FER: variants seen among roughly 807,000 people sequenced by gnomAD.
FER encodes the protein FER tyrosine kinase.
Under a neutral mutation model 111.0 loss-of-function variants are expected in FER, and 63 were observed. That is an observed-to-expected ratio of 0.57 (90% CI 0.46 to 0.70). The LOEUF (loss-of-function observed/expected upper bound fraction) is 0.70. FER is among the 30% of genes least tolerant of loss of function. The pLI is 0.00. For missense variants in FER, 914 were observed against 954.0 expected (o/e 0.96, Z 0.55); for synonymous variants, 327 against 313.9 (o/e 1.04, Z -0.44).
At chr5:108,848,318 A>G (rs1326454155) in intron 5 of FER, among the ~76,000 whole-genome samples, 4 of 152,218 alleles carry the variant, frequency 2.6e-5, no homozygotes, top group Admixed American at 2.6e-4. Context: ...ACCAATATTT[A>G]AATGTAACTG....
chr5:109,033,517 T>C (rs541514994), intron 13 of FER, among the ~76,000 whole-genome samples: 2 of 152,298 alleles, frequency 1.3e-5, no homozygotes, highest in East Asian at 1.9e-4. Context: ...TCAATGTCCA[T>C]GTTCCCTAAT....
At chr5:109,169,956 G>C (rs1414775388) in intron 17 of FER, among the ~76,000 whole-genome samples, 1 of 152,150 alleles carries the variant, frequency 6.6e-6, no homozygotes, top group African/African-American at 2.4e-5. Flanking sequence ...TCTAAATCTA[G>C]GTGCATTCCA....
Position 108,944,128 on chromosome 5 carries a change from C to T in FER, c.1237-2002C>T, listed in dbSNP as rs1377395174. 2.0e-5 allele frequency among the ~76,000 whole-genome samples: 3 copies of T among 151,964 alleles called. No individual in the cohort carries two copies. In the East Asian group the frequency reaches 5.8e-4, roughly 29 times the overall value. On this transcript the variant is annotated intron_variant, in intron 10 of 19. Coordinates refer to ENST00000281092, the MANE Select transcript of FER (RefSeq NM_005246.4). ...ATGTGTACACACACACACACACACA[C>T]ACACACACACACAAACACACACACT...
chr5:108,950,096 A>G (rs1303260459), intron 11 of FER, among the ~76,000 whole-genome samples: 1 of 152,176 alleles, frequency 6.6e-6, no homozygotes, highest in East Asian at 1.9e-4. Flanking sequence ...AATAAAATAC[A>G]TATTTTGCTA....
At chr5:108,947,199 G>T (rs1383594957) in intron 11 of FER, among the ~76,000 whole-genome samples, 1 of 151,908 alleles carries the variant, frequency 6.6e-6, no homozygotes, top group Non-Finnish European at 1.5e-5. Flanking sequence ...CAGTTCTCTT[G>T]GGTGTGTACC....
chr5:108,988,027 C>G (rs114073318), intron 13 of FER, among the ~76,000 whole-genome samples: 1,523 of 152,154 alleles, frequency 0.01, 22 homozygotes, highest in African/African-American at 0.035. Context: ...TTGTCAAATG[C>G]TTTTTCTGCG....
rs76938805 is a variant in FER, at chr5:108,809,524, T to G, written c.207+11135T>G. On this transcript the variant is annotated intron_variant, in intron 3 of 19. Coordinates refer to ENST00000281092, the MANE Select transcript of FER (RefSeq NM_005246.4). ...TCATCCTTGTCTTGGATCTTGTTAA[T>G]CATTCTTGTAATACATGCTTTTCCA... Among the ~76,000 whole-genome samples the G allele has an allele frequency of 2.1e-3, 314 of 152,348 alleles. 1 individual carries two copies. Among genetic ancestry groups the G allele is most frequent in the African/African-American group, 7.2e-3 (300 of 41,582 alleles).
intron 5 of FER, among the ~76,000 whole-genome samples, chr5:108,845,732 C>T (rs1203591756): frequency 1.3e-5 from 2 of 152,086 alleles, no homozygotes; most frequent in East Asian, 1.9e-4. Flanking sequence ...TTTATTTAGT[C>T]TCTCACCTTC....
At position 109,099,082 on chromosome 5, in the gene FER, C is replaced by G. The variant is rs1483156340; in HGVS notation, c.1925-1314C>G. On this transcript the variant is annotated intron_variant, in intron 16 of 19. Coordinates refer to ENST00000281092, the MANE Select transcript of FER (RefSeq NM_005246.4). ...AATGGCAAATAAAATGCTAATCTCT[C>G]TTTTAAAATTCTGGCTTAATATCTG... is the stretch of plus-strand genomic sequence containing the variant. 1.3e-5 allele frequency among the ~76,000 whole-genome samples: 2 copies of G among 151,688 alleles called. 1 individual carries two copies. The highest frequency in any genetic ancestry group is 4.1e-4 in the South Asian group (2 of 4,820).
chr5:109,097,007 TATA>T (rs1393865733), intron 16 of FER, among the ~76,000 whole-genome samples: 1 of 148,384 alleles, frequency 6.7e-6, no homozygotes, highest in African/African-American at 2.4e-5. Context: ...TTATATAAAG[TATA>T]ATAGTATAAT....
intron 17 of FER, among the ~76,000 whole-genome samples, chr5:109,114,865 G>A (rs1173629934): frequency 2.6e-5 from 4 of 151,762 alleles, no homozygotes; most frequent in Non-Finnish European, 5.9e-5. Context: ...CATTCTCTCT[G>A]TCCCTATTGT....
chr5:108,844,748 G>A (rs1199665553), intron 5 of FER, among the ~76,000 whole-genome samples: 1 of 151,466 alleles, frequency 6.6e-6, no homozygotes, highest in Non-Finnish European at 1.5e-5. Flanking sequence ...TTTTAAAAAG[G>A]AACCATATAG....
chr5:109,037,272 A>G (rs1770531232), intron 13 of FER, 150 bp from the exon 14 acceptor site: 4 of 581,964 alleles, frequency 6.9e-6, no homozygotes, highest in African/African-American at 1.9e-5. Flanking sequence ...TTTGTTTTAC[A>G]GCATCTTGGG....
chr5:108,838,092 T>A (rs1050259161), intron 5 of FER, among the ~76,000 whole-genome samples: 1 of 152,108 alleles, frequency 6.6e-6, no homozygotes, highest in Non-Finnish European at 1.5e-5. Context: ...CATATTTAAA[T>A]GAAAAAGTAT....
At chr5:108,788,070 GA>G (rs1754942648) in intron 2 of FER, among the ~76,000 whole-genome samples, 2 of 152,198 alleles carry the variant, frequency 1.3e-5, no homozygotes, top group Non-Finnish European at 2.9e-5. Flanking sequence ...TGGGATTCCA[GA>G]GCTTGGGGCT....
At chr5:108,871,754 TC>T (rs1168780218) in intron 7 of FER, among the ~76,000 whole-genome samples, 1 of 150,926 alleles carries the variant, frequency 6.6e-6, no homozygotes, top group East Asian at 1.9e-4. Context: ...CCATATTTAA[TC>T]CATGAAATTT....
chr5:108,897,205 C>CAT (rs1749274742), intron 9 of FER, among the ~76,000 whole-genome samples: 1 of 152,322 alleles, frequency 6.6e-6, no homozygotes, highest in Middle Eastern at 3.4e-3. Context: ...TCCCTCACAA[C>CAT]ATATACACAA....
At chr5:108,755,885 G>A (rs35398495) in intron 1 of FER, among the ~76,000 whole-genome samples, 1 of 149,814 alleles carries the variant, frequency 6.7e-6, no homozygotes, top group Admixed American at 6.7e-5. Context: ...GGCACTGTGG[G>A]TCACACCTGT....
chr5:109,176,987 A>C (rs1328486486), intron 17 of FER, among the ~76,000 whole-genome samples: 8 of 152,240 alleles, frequency 5.3e-5, no homozygotes, highest in Admixed American at 3.3e-4. Flanking sequence ...ATAATAATGT[A>C]TGTATCTAAA....
Sources: allele counts gnomAD v4.1 joint callset (sites outside exome capture counted in the v4.1 genomes callset), GRCh38; gene constraint gnomAD v4.1.1; transcripts MANE v1.5; gene names NCBI Gene and HGNC (gene_info 2026-07-23, HGNC 2026-07-21).